Variants in SNRK observed in about 807,000 individuals in gnomAD.
SNRK encodes the protein SNF related kinase.
A neutral mutation model predicts 48.2 loss-of-function variants in SNRK; 3 were observed. The observed-to-expected ratio is 0.06, with a 90% confidence interval of 0.03 to 0.16. SNRK has a LOEUF of 0.16. SNRK is among the 10% of genes least tolerant of loss of function. SNRK has a pLI of 1.00. For synonymous variants in SNRK, 376 were observed against 366.1 expected (o/e 1.03, Z -0.31); for missense variants, 627 against 976.0 (o/e 0.64, Z 4.76).
At chr3:43,291,571 A>T (rs148823602) in intron 1 of SNRK, among the ~76,000 whole-genome samples, 4 of 152,152 alleles carry the variant, frequency 2.6e-5, no homozygotes, top group Admixed American at 6.5e-5. Flanking sequence ...TTTGTATTCT[A>T]CTCACACCCT....
In SNRK at chr3:43,339,574, T is replaced by C. The variant is rs200481891; in HGVS notation, c.732-713T>C. On this transcript the variant is annotated intron_variant, in intron 4 of 6. Coordinates refer to ENST00000296088, the MANE Select transcript of SNRK (RefSeq NM_017719.5). ...GGCTCATGCCTGTAATCCCAGCACA[T>C]TGGAAGGCCGAGGCGGGCGAATCAC... 9.9e-5 allele frequency among the ~76,000 whole-genome samples: 15 copies of C among 151,818 alleles called. No individual in the cohort carries two copies. In the East Asian group the frequency reaches 2.2e-3, roughly 22 times the overall value.
intron 3 of SNRK, among the ~76,000 whole-genome samples, chr3:43,321,192 A>C (rs959666560): frequency 1.3e-5 from 2 of 152,172 alleles, no homozygotes; most frequent in Admixed American, 6.5e-5. Flanking sequence ...AGTAGAGGCA[A>C]GAATAGAGAG....
At chr3:43,302,401 A>G (rs552215875) in intron 2 of SNRK, among the ~76,000 whole-genome samples, 195 of 152,266 alleles carry the variant, frequency 1.3e-3, no homozygotes, top group African/African-American at 4.6e-3. Flanking sequence ...GACAGTTTTG[A>G]TTATATGCTA....
At position 43,317,094 on chromosome 3, in the gene SNRK, T is replaced by A. The variant is rs966270199; in HGVS notation, c.589+13302T>A. On this transcript the variant is annotated intron_variant, in intron 3 of 6. Coordinates refer to ENST00000296088, the MANE Select transcript of SNRK (RefSeq NM_017719.5). ...TGTGTAAAATGACAAAAGTGCACAA[T>A]TGATCATTGTAAGTTCTAGTACATG... Among the ~76,000 whole-genome samples, 6 of 152,348 alleles carry A rather than the reference T, an allele frequency of 3.9e-5. No homozygotes were observed. The East Asian group carries it at 1.2e-3, about 29-fold the overall frequency.
chr3:43,332,306 A>G lies in SNRK; in HGVS notation c.727A>G (p.Lys243Glu). The G allele has an allele frequency of 6.9e-7, 1 of 1,459,412 alleles. No homozygotes were observed. Among genetic ancestry groups the G allele is most frequent in the Non-Finnish European group, 9.1e-7 (1 of 1,097,212 alleles). 90.4% of individuals were successfully genotyped at this position (1,459,412 alleles called of 1,614,324 possible). A position where few individuals can be genotyped will look rare whatever the true frequency, so the allele number is the denominator to read the frequency against. ...ACCATCCCATGTGTCTAAAGAGTGT[A>G]AAGAGTAAGTAAAACAAAGTATGTG... Reference protein sequence around the residue: ...TVPSHVSKECKDLITRMLQRD... With the variant: ...TVPSHVSKECEDLITRMLQRD... The change falls in exon 4 of 7, where the codon AAA becomes GAA. Residue 243 changes from lysine to glutamate, a missense_variant. By Grantham distance (56) the Lys-to-Glu change is moderately conservative. Transcript: ENST00000296088.
intron 3 of SNRK, among the ~76,000 whole-genome samples, chr3:43,330,806 G>A (rs1359773451): frequency 6.6e-6 from 1 of 152,122 alleles, no homozygotes; most frequent in Non-Finnish European, 1.5e-5. Context: ...CAAGGGTTTG[G>A]ACTGAATGAT....
At chr3:43,339,782 C>T (rs1430292292) in intron 4 of SNRK, among the ~76,000 whole-genome samples, 1 of 132,656 alleles carries the variant, frequency 7.5e-6, no homozygotes, top group Non-Finnish European at 1.6e-5. Flanking sequence ...CACCACTGCA[C>T]TCCAGCTTGG....
At chr3:43,336,156 A>C (rs1350258440) in intron 4 of SNRK, among the ~76,000 whole-genome samples, 2 of 150,588 alleles carry the variant, frequency 1.3e-5, no homozygotes, top group Non-Finnish European at 3.0e-5. Flanking sequence ...GAGTTGATGG[A>C]GGATTCCTTT....
intron 6 of SNRK, among the ~76,000 whole-genome samples, chr3:43,346,400 C>T (rs1050161452): frequency 2.0e-5 from 3 of 152,110 alleles, no homozygotes; most frequent in African/African-American, 2.4e-5. Context: ...GGATAGTTGA[C>T]AGTTCAGAGA....
At chr3:43,295,938 C>T (rs1243485480) in intron 1 of SNRK, among the ~76,000 whole-genome samples, 1 of 152,100 alleles carries the variant, frequency 6.6e-6, no homozygotes, top group Non-Finnish European at 1.5e-5. Context: ...GGGGTTTCAA[C>T]ATGTTGGCCA....
At position 43,303,802 on chromosome 3, in the gene SNRK, C is replaced by T. The variant is rs1049736277; in HGVS notation, c.589+10C>T. 6.3e-7 allele frequency: 1 copy of T among 1,580,264 alleles called. No individual in the cohort carries two copies. The highest frequency in any genetic ancestry group is 8.7e-7 in the Non-Finnish European group (1 of 1,152,288). On this transcript the variant is annotated intron_variant, in intron 3 of 6. Coordinates refer to ENST00000296088, the MANE Select transcript of SNRK (RefSeq NM_017719.5). The surrounding 1 kb of genome is among the most constrained non-coding windows in gnomAD (Gnocchi z 6.2). ...GATGCACCTGCAGTAGGTAGGTAACCTCGGTCCAGTATTTGGCCATTTGAA... is the reference window on the plus strand; with the variant it reads ...GATGCACCTGCAGTAGGTAGGTAACTTCGGTCCAGTATTTGGCCATTTGAA...
In SNRK at chr3:43,348,150, A is replaced by G; in HGVS notation, c.1891A>G (p.Asn631Asp). Residue 631 changes from asparagine (N) to aspartate (D), a missense_variant, in exon 7 of 7, where the codon AAC (asparagine) becomes GAC (aspartate). By Grantham distance (23) the Asn-to-Asp change is conservative. This residue lies in a region of SNRK where 207 missense variants were observed against 234.3 expected (regional missense o/e 0.88). Transcript: ENST00000296088. Reference protein sequence around the residue: ...GTTRRCAGPSNSMQLASRSAG... With the variant: ...GTTRRCAGPSDSMQLASRSAG... ...CACACGCCGCTGTGCCGGCCCCAGC[A>G]ACTCCATGCAGCTGGCCTCTCGCAG... 1 of 1,580,872 alleles carries G rather than the reference A, an allele frequency of 6.3e-7. No homozygotes were observed.
intron 3 of SNRK, among the ~76,000 whole-genome samples, chr3:43,317,229 T>C (rs1312369663): frequency 6.6e-6 from 1 of 152,182 alleles, no homozygotes; most frequent in East Asian, 1.9e-4. Context: ...TAAGTGTGTG[T>C]ATTTTAGAAA....
intron 1 of SNRK, among the ~76,000 whole-genome samples, chr3:43,298,678 CA>C (rs1384981431): frequency 6.6e-6 from 1 of 152,186 alleles, no homozygotes; most frequent in Non-Finnish European, 1.5e-5. Flanking sequence ...ATCATGTTGG[CA>C]TAATGTGAAT....
chr3:43,329,266 G>A lies in SNRK; in HGVS notation c.590-2903G>A, dbSNP rs146873217. On this transcript the variant is annotated intron_variant, in intron 3 of 6. Coordinates refer to ENST00000296088, the MANE Select transcript of SNRK (RefSeq NM_017719.5). ...ATCCTGGCTAACACAGTGAAACCTC[G>A]TCTCAACTAAAAATAGAAAAAATTA... 9.1e-3 allele frequency among the ~76,000 whole-genome samples: 1,379 copies of A among 152,122 alleles called. 12 individuals carry two copies. The highest frequency in any genetic ancestry group is 0.012 in the Non-Finnish European group (816 of 67,972).
intron 4 of SNRK, among the ~76,000 whole-genome samples, chr3:43,333,955 G>T (rs2091167735): frequency 6.6e-6 from 1 of 152,108 alleles, no homozygotes. Flanking sequence ...AGACCAGCCT[G>T]ATCAACATGG....
At chr3:43,297,338 A>G (rs1481155995) in intron 1 of SNRK, among the ~76,000 whole-genome samples, 2 of 151,764 alleles carry the variant, frequency 1.3e-5, no homozygotes, top group African/African-American at 4.9e-5. Flanking sequence ...TGCATTTTCT[A>G]AACTTTCTAA....
chr3:43,315,910 A>T (rs2091010201), intron 3 of SNRK, among the ~76,000 whole-genome samples: 1 of 152,204 alleles, frequency 6.6e-6, no homozygotes, highest in African/African-American at 2.4e-5. Flanking sequence ...GTCATATAAA[A>T]CGAGAAGGAA....
intron 3 of SNRK, among the ~76,000 whole-genome samples, chr3:43,327,843 C>T (rs953761492): frequency 6.6e-6 from 1 of 152,148 alleles, no homozygotes; most frequent in Non-Finnish European, 1.5e-5. Flanking sequence ...ATTTCTGTGA[C>T]CTTATTTCCA....
Sources: gnomAD v4.1 joint callset for allele counts (sites outside exome capture counted in the v4.1 genomes callset) on GRCh38, gnomAD v4.1.1 for gene constraint, gnomAD v4.1.1 regional missense constraint, Gnocchi (gnomAD v3.1) non-coding constraint, MANE v1.5 for transcripts, NCBI Gene and HGNC (gene_info 2026-07-23, HGNC 2026-07-21) for gene names.